Variants in PEX11A observed in about 807,000 individuals in gnomAD.
PEX11A encodes the protein peroxisomal biogenesis factor 11 alpha.
A neutral mutation model predicts 14.4 loss-of-function variants in PEX11A; 13 were observed. That is an observed-to-expected ratio of 0.90 (90% CI 0.59 to 1.43). The LOEUF (loss-of-function observed/expected upper bound fraction) is 1.43, where lower values mean the gene tolerates loss of function less well. Ranked by LOEUF, PEX11A falls within the 40% of genes most tolerant of loss-of-function variation. The pLI, the probability that PEX11A is intolerant of heterozygous loss-of-function variation, is 0.00. For synonymous variants in PEX11A, 101 were observed against 113.0 expected (o/e 0.89, Z 0.67); for missense variants, 290 against 302.8 (o/e 0.96, Z 0.31).
In PEX11A at chr15:89,690,746, G is replaced by C; in HGVS notation, c.-114C>G. The C allele has an allele frequency of 1.5e-6, 1 of 664,830 alleles. No individual in the cohort carries two copies. The highest frequency in any genetic ancestry group is 2.5e-6 in the Non-Finnish European group (1 of 398,256). 41.2% of individuals were successfully genotyped at this position (664,830 alleles called of 1,614,324 possible). A position where few individuals can be genotyped will look rare whatever the true frequency, so the allele number is the denominator to read the frequency against. On this transcript the variant is annotated 5_prime_UTR_variant, in exon 1 of 3. Coordinates refer to ENST00000300056, the MANE Select transcript of PEX11A (RefSeq NM_003847.3). Reference sequence around the variant, plus strand: ...GGTTATCCGCTGAGGGGGAGGGGCTGAGTCTCTCCGCCCCAGAGGGGGCGG... The same window carrying C: ...GGTTATCCGCTGAGGGGGAGGGGCTCAGTCTCTCCGCCCCAGAGGGGGCGG...
Position 89,686,459 on chromosome 15 carries a change from C to T in PEX11A, c.144G>A (p.Leu48=), listed in dbSNP as rs1450211928. ...TACGACCAGTGCTCACACTGGACTC[C>T]AGTTTCTTGAGCTTCATTACCACCT... is the stretch of plus-strand genomic sequence containing the variant. ...KEKVVMKLKK[L]ESSVSTGRKW... is the part of the protein sequence containing the mutation. The change falls in exon 2 of 3, where the codon CTG becomes CTA. Residue 48 remains leucine, a synonymous_variant. Transcript: ENST00000300056. 6.3e-7 allele frequency: 1 copy of T among 1,587,144 alleles called. No individual in the cohort carries two copies. Among genetic ancestry groups the T allele is most frequent in the Non-Finnish European group, 8.7e-7 (1 of 1,155,628 alleles).
chr15:89,686,410 C>T lies in PEX11A; in HGVS notation c.172+21G>A, dbSNP rs777006124. The T allele has an allele frequency of 8.4e-6, 9 of 1,072,758 alleles. No homozygotes were observed. In the East Asian group the frequency reaches 1.2e-4, roughly 14 times the overall value. 66.5% of individuals were successfully genotyped at this position (1,072,758 alleles called of 1,614,324 possible). A position where few individuals can be genotyped will look rare whatever the true frequency, so the allele number is the denominator to read the frequency against. On this transcript the variant is annotated intron_variant, in intron 2 of 2. Coordinates refer to ENST00000300056, the MANE Select transcript of PEX11A (RefSeq NM_003847.3). The stretch of plus-strand genomic sequence containing the variant: ...GATTCTAAACCAGGAGTCACTGTCC[C>T]TCAAGAAACAGGGTACTTACATTTA...
At chr15:89,686,723 G>A (rs1964682393) in intron 1 of PEX11A, among the ~76,000 whole-genome samples, 177 bp from the exon 2 acceptor site, 1 of 152,072 alleles carries the variant, frequency 6.6e-6, no homozygotes, top group South Asian at 2.1e-4. Flanking sequence ...AGAGCCAAAG[G>A]GTAGAACATG....
At chr15:89,688,481 C>G (rs1964713439) in intron 1 of PEX11A, among the ~76,000 whole-genome samples, 1 of 152,012 alleles carries the variant, frequency 6.6e-6, no homozygotes, top group African/African-American at 2.4e-5. Flanking sequence ...CAAACTCCGC[C>G]TCCCGGATTC....
At chr15:89,689,066 C>G (rs908791051) in intron 1 of PEX11A, among the ~76,000 whole-genome samples, 1 of 152,136 alleles carries the variant, frequency 6.6e-6, no homozygotes, top group African/African-American at 2.4e-5. Flanking sequence ...AGGGTACATT[C>G]TAGGTACACT....
intron 1 of PEX11A, among the ~76,000 whole-genome samples, chr15:89,688,534 A>G (rs1292365784): frequency 6.6e-6 from 1 of 151,688 alleles, no homozygotes; most frequent in Non-Finnish European, 1.5e-5. Context: ...CTGGGATTAC[A>G]GGCATGTGCC....
In PEX11A at chr15:89,683,554, C is replaced by T; in HGVS notation, c.567G>A (p.Lys189=). The T allele has an allele frequency of 1.9e-6, 3 of 1,614,214 alleles. No individual in the cohort carries two copies. Among genetic ancestry groups the T allele is most frequent in the Non-Finnish European group, 2.5e-6 (3 of 1,180,028 alleles). The change falls in exon 3 of 3, where the codon AAG becomes AAA. Residue 189 remains lysine, a synonymous_variant. Coordinates refer to ENST00000300056, the MANE Select transcript of PEX11A (RefSeq NM_003847.3). The part of the protein sequence containing the change: ...SFLLLLFRSL[K]QHPPLLLDTV... ...TGTCCAGGAGCAAGGGAGGATGCTG[C>T]TTCAGAGATCGGAATAAAAGAAGTA...
rs1249593572 is a variant in PEX11A at position 89,681,688 on chromosome 15, A to T, written c.*1689T>A. ...TTTATTTCTCAAATCCCATATCGTG[A>T]TTGGTTAAACAGACAGCCAAGAATC... On this transcript the variant is annotated 3_prime_UTR_variant, in exon 3 of 3. Transcript: ENST00000300056. 3.8e-6 allele frequency: 2 copies of T among 525,700 alleles called. No individual in the cohort carries two copies. Among genetic ancestry groups the T allele is most frequent in the Non-Finnish European group, 6.7e-6 (2 of 296,484 alleles). 32.6% of individuals were successfully genotyped at this position (525,700 alleles called of 1,614,324 possible). A position where few individuals can be genotyped will look rare whatever the true frequency, so the allele number is the denominator to read the frequency against.
At position 89,683,227 on chromosome 15, in the gene PEX11A, G is replaced by A; in HGVS notation, c.*150C>T. 1 of 654,528 alleles carries A rather than the reference G, an allele frequency of 1.5e-6. No homozygotes were observed. The highest frequency in any genetic ancestry group is 1.9e-5 in the South Asian group (1 of 51,452). The allele number at this position is 654,528 out of a possible 1,614,324, so 40.5% of individuals were successfully genotyped here. A position where few individuals can be genotyped will look rare whatever the true frequency, so the allele number is the denominator to read the frequency against. On this transcript the variant is annotated 3_prime_UTR_variant, in exon 3 of 3. Coordinates refer to ENST00000300056, the MANE Select transcript of PEX11A (RefSeq NM_003847.3). ...CATGCTCCTCCCTTCTCCGTTCTTG[G>A]CCTCATCTCTGCCCACATCACAGGT... is the stretch of plus-strand genomic sequence containing the variant.
intron 1 of PEX11A, among the ~76,000 whole-genome samples, chr15:89,690,062 G>T (rs548448888): frequency 4.5e-4 from 69 of 152,290 alleles, no homozygotes; most frequent in Non-Finnish European, 8.8e-5. Context: ...AACCCGGGAG[G>T]CAGAGGTTGC....
chr15:89,689,854 G>C (rs947986875), intron 1 of PEX11A, among the ~76,000 whole-genome samples: 2 of 152,206 alleles, frequency 1.3e-5, no homozygotes, highest in African/African-American at 4.8e-5. Flanking sequence ...TTTGAGACCG[G>C]GCGCGGTGGC....
chr15:89,686,730 C>T (rs1255732652), intron 1 of PEX11A, among the ~76,000 whole-genome samples, 184 bp from the exon 2 acceptor site: 4 of 152,140 alleles, frequency 2.6e-5, no homozygotes, highest in East Asian at 1.9e-4. Flanking sequence ...AAGGGTAGAA[C>T]ATGTCATGGA....
intron 1 of PEX11A, among the ~76,000 whole-genome samples, chr15:89,689,450 G>A (rs1405189631): frequency 6.6e-6 from 1 of 152,252 alleles, no homozygotes; most frequent in Non-Finnish European, 1.5e-5. Context: ...TGCACACCCA[G>A]AAGAGAATGC....
At chr15:89,687,465 T>G (rs1964694716) in intron 1 of PEX11A, among the ~76,000 whole-genome samples, 1 of 152,220 alleles carries the variant, frequency 6.6e-6, no homozygotes, top group South Asian at 2.1e-4. Context: ...TGCTTAATAA[T>G]ACTATATATT....
Position 89,683,720 on chromosome 15 carries a change from C to G in PEX11A, c.401G>C (p.Ser134Thr), listed in dbSNP as rs1298348202. 6.2e-7 allele frequency: 1 copy of G among 1,614,072 alleles called. No individual in the cohort carries two copies. The highest frequency in any genetic ancestry group is 2.2e-5 in the East Asian group (1 of 44,886). Residue 134 changes from serine to threonine, a missense_variant, in exon 3 of 3, where the codon AGC becomes ACC. Transcript: ENST00000300056. ...GATTTCATACAGATCCCTGACCAGG[C>G]TCAGCAGAAGAGAATAGTAGTAGTG... is the stretch of plus-strand genomic sequence containing the variant. ...AHHYYYSLLL[S>T]LVRDLYEISL...
chr15:89,686,679 C>A, intron 1 of PEX11A, 133 bp from the exon 2 acceptor site: 1 of 567,586 alleles, frequency 1.8e-6, no homozygotes, highest in Non-Finnish European at 3.1e-6. Context: ...GCAACTCTTA[C>A]AAAAGCAAAA....
intron 1 of PEX11A, among the ~76,000 whole-genome samples, chr15:89,686,905 G>A (rs183746434): frequency 9.9e-5 from 15 of 151,934 alleles, no homozygotes; most frequent in Admixed American, 2.0e-4. Flanking sequence ...CTCTTCCCCA[G>A]TGTAGATTTC....
chr15:89,686,252 T>G (rs935641509), intron 2 of PEX11A, among the ~76,000 whole-genome samples, 179 bp downstream of exon 2: 2 of 152,344 alleles, frequency 1.3e-5, no homozygotes, highest in Middle Eastern at 6.8e-3. Context: ...TGTTTATGAA[T>G]GGTCTGCAGC....
rs190487328 is a variant in PEX11A, at chr15:89,682,911, T to C, written c.*466A>G. 6.2e-6 allele frequency: 1 copy of C among 160,492 alleles called. No homozygotes were observed. The highest frequency in any genetic ancestry group is 2.4e-5 in the African/African-American group (1 of 41,620). The allele number at this position is 160,492 out of a possible 1,614,324, so 9.9% of individuals were successfully genotyped here. ...AGTTGAGAGGCTGTAAGCCCAGCTCTCCTCCATCCTGCTACTGACATCAGA... is the reference window on the plus strand; with the variant it reads ...AGTTGAGAGGCTGTAAGCCCAGCTCCCCTCCATCCTGCTACTGACATCAGA... On this transcript the variant is annotated 3_prime_UTR_variant, in exon 3 of 3. Transcript: ENST00000300056.
Sources: gnomAD v4.1 joint callset for allele counts (sites outside exome capture counted in the v4.1 genomes callset) on GRCh38, gnomAD v4.1.1 for gene constraint, MANE v1.5 for transcripts, NCBI Gene and HGNC (gene_info 2026-07-23, HGNC 2026-07-21) for gene names.